RAB8B: variants seen among roughly 807,000 people sequenced by gnomAD.
RAB8B encodes the protein RAB8B, member RAS oncogene family, also known as ras-related protein Rab-8B.
A neutral mutation model predicts 32.0 loss-of-function variants in RAB8B; 11 were observed. That is an observed-to-expected ratio of 0.34 (90% CI 0.22 to 0.57). The LOEUF is 0.57. Ranked by LOEUF, RAB8B falls within the 20% of genes least tolerant of loss-of-function variation. RAB8B has a pLI of 0.86. For synonymous variants in RAB8B, 103 were observed against 89.6 expected (o/e 1.15, Z -0.85); for missense variants, 190 against 258.5 (o/e 0.73, Z 1.82).
At chr15:63,244,242 A>G (rs2038054238) in intron 1 of RAB8B, among the ~76,000 whole-genome samples, 1 of 152,228 alleles carries the variant, frequency 6.6e-6, no homozygotes, top group Non-Finnish European at 1.5e-5. Context: ...TGTGTATAAA[A>G]TACTTGCTAA....
intron 1 of RAB8B, among the ~76,000 whole-genome samples, chr15:63,219,792 T>C (rs1004035203): frequency 6.6e-6 from 1 of 152,182 alleles, no homozygotes; most frequent in Non-Finnish European, 1.5e-5. Context: ...TCTTTTACTA[T>C]TGAGCCTATA....
At chr15:63,257,015 TACTAC>T (rs1358106171) in intron 5 of RAB8B, among the ~76,000 whole-genome samples, 1 of 152,238 alleles carries the variant, frequency 6.6e-6, no homozygotes, top group African/African-American at 2.4e-5. Flanking sequence ...AAGAATATTT[TACTAC>T]ACATTAGCGT....
chr15:63,196,193 A>G (rs1290495189), intron 1 of RAB8B, among the ~76,000 whole-genome samples: 1 of 152,232 alleles, frequency 6.6e-6, no homozygotes, highest in Admixed American at 6.5e-5. Flanking sequence ...GGCCATTACA[A>G]TAAGGGCCAA....
At chr15:63,260,410 T>G (rs942550445) in intron 6 of RAB8B, among the ~76,000 whole-genome samples, 1 of 152,220 alleles carries the variant, frequency 6.6e-6, no homozygotes, top group Non-Finnish European at 1.5e-5. Flanking sequence ...CACATTCCTT[T>G]AGCGTACACA....
chr15:63,203,390 A>G (rs2037668922), intron 1 of RAB8B, among the ~76,000 whole-genome samples: 1 of 152,260 alleles, frequency 6.6e-6, no homozygotes, highest in South Asian at 2.1e-4. Flanking sequence ...TTTCTTTATT[A>G]TAAGAAGGAT....
intron 1 of RAB8B, among the ~76,000 whole-genome samples, chr15:63,244,091 A>G (rs968975623): frequency 3.9e-5 from 6 of 152,248 alleles, no homozygotes; most frequent in African/African-American, 1.4e-4. Context: ...AAGGTCCCAC[A>G]ATGGCAATCT....
rs750087736 is a variant in RAB8B at position 63,244,707 on chromosome 15, G to A, written c.125-49G>A. On this transcript the variant is annotated intron_variant, in intron 1 of 7. Transcript: ENST00000321437. ...AATCTTTGTCCTCCTAATGAGACTT[G>A]GATTATATCTGAAGAAACTTAACAT... 15 of 1,422,758 alleles carry A rather than the reference G, an allele frequency of 1.1e-5. No homozygotes were observed. In the Admixed American group the frequency reaches 1.3e-4, roughly 13 times the overall value. The allele number at this position is 1,422,758 out of a possible 1,614,324, so 88.1% of individuals were successfully genotyped here.
rs755636917 is a variant in RAB8B, at chr15:63,189,618, C to G, written c.-7C>G. 1.1e-5 allele frequency: 17 copies of G among 1,613,318 alleles called. No individual in the cohort carries two copies. The highest frequency in any genetic ancestry group is 1.3e-5 in the African/African-American group (1 of 74,896). On this transcript the variant is annotated 5_prime_UTR_variant, in exon 1 of 8. Transcript: ENST00000321437. ...TGGCTCCCCGGTCAGAGGGCCGGAG[C>G]GAGAAGATGGCGAAGACGTACGATT...
intron 1 of RAB8B, among the ~76,000 whole-genome samples, chr15:63,237,321 A>G (rs538780730): frequency 7.9e-5 from 12 of 152,244 alleles, no homozygotes; most frequent in Admixed American, 7.8e-4. Flanking sequence ...ACTGTTCTCC[A>G]TAGTGGCTGT....
At chr15:63,215,147 C>G (rs2037781928) in intron 1 of RAB8B, among the ~76,000 whole-genome samples, 1 of 152,164 alleles carries the variant, frequency 6.6e-6, no homozygotes, top group African/African-American at 2.4e-5. Context: ...GTCCAAGGGC[C>G]CTTTGTCCCT....
At chr15:63,193,645 C>T (rs753749598) in intron 1 of RAB8B, among the ~76,000 whole-genome samples, 9 of 151,914 alleles carry the variant, frequency 5.9e-5, no homozygotes, top group Non-Finnish European at 1.3e-4. Flanking sequence ...CCCGTCTCTA[C>T]TAAAAAATAC....
At chr15:63,200,237 T>C (rs892820907) in intron 1 of RAB8B, among the ~76,000 whole-genome samples, 1 of 152,218 alleles carries the variant, frequency 6.6e-6, no homozygotes, top group Non-Finnish European at 1.5e-5. Flanking sequence ...TAGACACTAG[T>C]GTTTTGATGA....
chr15:63,201,912 CTG>C (rs1017137974), intron 1 of RAB8B, among the ~76,000 whole-genome samples: 9 of 151,916 alleles, frequency 5.9e-5, no homozygotes, highest in Non-Finnish European at 1.2e-4. Context: ...CCACAGGACT[CTG>C]TGTGTTGGGC....
intron 1 of RAB8B, among the ~76,000 whole-genome samples, chr15:63,205,532 G>A (rs2037691174): frequency 6.6e-6 from 1 of 151,926 alleles, no homozygotes; most frequent in African/African-American, 2.4e-5. Context: ...ACACACACAC[G>A]GGATGATATG....
At chr15:63,240,339 C>G (rs1451614324) in intron 1 of RAB8B, among the ~76,000 whole-genome samples, 1 of 152,118 alleles carries the variant, frequency 6.6e-6, no homozygotes, top group Non-Finnish European at 1.5e-5. Flanking sequence ...TGTGTAATCT[C>G]TTAGGTTTAT....
chr15:63,228,091 A>T (rs1357101966), intron 1 of RAB8B, among the ~76,000 whole-genome samples: 4 of 152,098 alleles, frequency 2.6e-5, no homozygotes. Context: ...AACATGGCTC[A>T]CTGCAGCTTC....
At chr15:63,255,753 T>C (rs1333583337) in intron 4 of RAB8B, among the ~76,000 whole-genome samples, 169 bp downstream of exon 4, 1 of 152,178 alleles carries the variant, frequency 6.6e-6, no homozygotes, top group Non-Finnish European at 1.5e-5. Context: ...GTCTGACTAC[T>C]GGGGGTTAGG....
At chr15:63,251,281 C>T (rs2038114911) in intron 3 of RAB8B, 1 of 455,962 alleles carries the variant, frequency 2.2e-6, no homozygotes, top group Non-Finnish European at 4.4e-6. Context: ...TTGTTTCCCC[C>T]AGGAAGGAAT....
intron 1 of RAB8B, among the ~76,000 whole-genome samples, chr15:63,205,588 A>G (rs1183741093): frequency 6.6e-6 from 1 of 152,160 alleles, no homozygotes; most frequent in Non-Finnish European, 1.5e-5. Context: ...TGTAAGGAGG[A>G]TAGATTTTAT....
Sources: gnomAD v4.1 joint callset for allele counts (sites outside exome capture counted in the v4.1 genomes callset) on GRCh38, gnomAD v4.1.1 for gene constraint, MANE v1.5 for transcripts, NCBI Gene and HGNC (gene_info 2026-07-23, HGNC 2026-07-21) for gene names.